The following PHKA2 variants were observed in gnomAD, a reference collection of about 807,000 sequenced individuals.
PHKA2 encodes the protein phosphorylase b kinase regulatory subunit alpha, liver isoform.
A neutral mutation model predicts 102.0 loss-of-function variants in PHKA2; 31 were observed. The ratio of observed to expected loss-of-function variants is 0.30; its 90% confidence interval spans 0.23 to 0.41. The LOEUF (loss-of-function observed/expected upper bound fraction) is 0.41. Among genes scored for constraint, PHKA2 ranks in the 10% least tolerant of loss-of-function variants. The pLI is 1.00. For synonymous variants in PHKA2, 455 were observed against 416.2 expected (o/e 1.09, Z -1.13); for missense variants, 858 against 1,023.1 (o/e 0.84, Z 2.20).
Position 18,924,184 on chromosome X carries a change from C to G in PHKA2, c.1715-50G>C, listed in dbSNP as rs151344533. The G allele has an allele frequency of 4.4e-3, 4,370 of 983,403 alleles. 12 individuals are homozygous for G. Among genetic ancestry groups the G allele is most frequent in the Non-Finnish European group, 5.7e-3 (3,937 of 688,433 alleles). The allele number at this position is 983,403 out of a possible 1,213,427, so 81.0% of individuals were successfully genotyped here. On this transcript the variant is annotated intron_variant, in intron 16 of 32. Coordinates refer to ENST00000379942, the MANE Select transcript of PHKA2 (RefSeq NM_000292.3). ...GTTTAGTCTGGGCAGACTTTTTTTC[C>G]GTTATGCACTGAAACATTTTCATCA...
chrX:18,901,133 T>C (rs1262312759), intron 27 of PHKA2, among the ~76,000 whole-genome samples: 1 of 110,493 alleles, frequency 9.1e-6, no homozygotes, highest in East Asian at 2.8e-4. Flanking sequence ...GCTATTTCGT[T>C]TGAAGGACAC....
intron 26 of PHKA2, 132 bp from the exon 27 acceptor site, chrX:18,901,735 G>A (rs1479498698): frequency 7.6e-6 from 4 of 526,575 alleles, no homozygotes; most frequent in Admixed American, 2.5e-5. Context: ...CTCCAGCACC[G>A]AGAGCAGCAC....
chrX:18,971,831 A>T (rs188188150), intron 1 of PHKA2, among the ~76,000 whole-genome samples: 2 of 112,765 alleles, frequency 1.8e-5, no homozygotes, highest in East Asian at 5.6e-4. Flanking sequence ...ATAAAGTTTC[A>T]GTCAAGATGT....
At chrX:18,893,961 A>C in intron 32 of PHKA2, 1 of 462,443 alleles carries the variant, frequency 2.2e-6, no homozygotes, top group South Asian at 3.1e-5. Flanking sequence ...ACCCATGGTC[A>C]CATGTGTTGC....
At chrX:18,900,750 G>A (rs1238918747) in intron 27 of PHKA2, 51 bp from the exon 28 acceptor site, 11 of 1,095,965 alleles carry the variant, frequency 1.0e-5, no homozygotes, top group Non-Finnish European at 1.4e-5. Flanking sequence ...AGCCAAGAAC[G>A]CGTGCTTCTT....
chrX:18,903,397 T>C (rs2047736853), intron 26 of PHKA2, among the ~76,000 whole-genome samples: 1 of 112,378 alleles, frequency 8.9e-6, no homozygotes, highest in South Asian at 3.7e-4. Context: ...GGAATGCCCC[T>C]GGAAAATGAC....
chrX:18,973,656 AAC>A (rs2049047659), intron 1 of PHKA2, among the ~76,000 whole-genome samples: 2 of 111,778 alleles, frequency 1.8e-5, no homozygotes, highest in South Asian at 7.5e-4. Context: ...TTTTATCTGA[AAC>A]AGTTTAAGAT....
chrX:18,952,549 G>A lies in PHKA2; in HGVS notation c.238-8C>T. Reference sequence around the variant, plus strand: ...CATCAGCTTCACCACGTTCTGTGGAGATAAAGCAGAATCAGCAACACGGCC... The same window carrying A: ...CATCAGCTTCACCACGTTCTGTGGAAATAAAGCAGAATCAGCAACACGGCC... On this transcript the variant is annotated splice_polypyrimidine_tract_variant and splice_region_variant and intron_variant, in intron 2 of 32. Transcript: ENST00000379942. 2 of 1,208,649 alleles carry A rather than the reference G, an allele frequency of 1.7e-6. No homozygotes were observed. The highest frequency in any genetic ancestry group is 2.2e-6 in the Non-Finnish European group (2 of 892,825).
At chrX:18,896,165 A>T (rs989385321) in intron 30 of PHKA2, 1 of 109,614 alleles carries the variant, frequency 9.1e-6, no homozygotes, top group Admixed American at 9.4e-5. Flanking sequence ...GAACTAAAAA[A>T]TAGTTCTGGG....
At chrX:18,895,381 G>C in intron 30 of PHKA2, 190 bp from the exon 31 acceptor site, 1 of 480,327 alleles carries the variant, frequency 2.1e-6, no homozygotes, top group African/African-American at 2.3e-5. Context: ...GTTTTCGATG[G>C]AACAATTCTA....
At chrX:18,919,100 T>C (rs1325120129) in intron 18 of PHKA2, among the ~76,000 whole-genome samples, 2 of 111,750 alleles carry the variant, frequency 1.8e-5, no homozygotes, top group East Asian at 2.8e-4. Context: ...CCAGTCAAGA[T>C]AGTGTTTACA....
At chrX:18,981,517 G>A (rs2049170853) in intron 1 of PHKA2, among the ~76,000 whole-genome samples, 1 of 111,368 alleles carries the variant, frequency 9.0e-6, no homozygotes, top group African/African-American at 3.3e-5. Flanking sequence ...GGATGACTCA[G>A]GTCCTGCTGG....
chrX:18,961,458 G>A (rs950608560), intron 1 of PHKA2, among the ~76,000 whole-genome samples: 1 of 109,861 alleles, frequency 9.1e-6, no homozygotes, highest in East Asian at 2.9e-4. Context: ...AGGAGTTTGC[G>A]AACAGCCTGA....
intron 1 of PHKA2, among the ~76,000 whole-genome samples, chrX:18,978,454 C>T (rs1399872797): frequency 8.9e-6 from 1 of 111,996 alleles, no homozygotes; most frequent in Non-Finnish European, 1.9e-5. Context: ...TGGCTCACGC[C>T]TATAATCCCA....
At chrX:18,907,577 A>T (rs2047843970) in intron 22 of PHKA2, among the ~76,000 whole-genome samples, 1 of 112,119 alleles carries the variant, frequency 8.9e-6, no homozygotes, top group South Asian at 3.7e-4. Flanking sequence ...TTGGGGTTAT[A>T]AATATTAATG....
At chrX:18,917,866 T>G (rs2048047435) in intron 19 of PHKA2, among the ~76,000 whole-genome samples, 1 of 109,590 alleles carries the variant, frequency 9.1e-6, no homozygotes, top group Non-Finnish European at 1.9e-5. Context: ...GCAGTGCAGT[T>G]CAAAAACAAG....
chrX:18,952,610 A>G (rs1218197516), intron 2 of PHKA2, 69 bp from the exon 3 acceptor site: 2 of 1,070,595 alleles, frequency 1.9e-6, no homozygotes, highest in Non-Finnish European at 2.6e-6. Context: ...CCTCCTGATC[A>G]CTGTGGCTGG....
intron 19 of PHKA2, among the ~76,000 whole-genome samples, chrX:18,916,980 T>A (rs1230144344): frequency 9.2e-6 from 1 of 109,109 alleles, no homozygotes; most frequent in Non-Finnish European, 1.9e-5. Context: ...GCTCAAGTGA[T>A]CCTCCTGCCT....
chrX:18,926,741 C>T (rs930314572), intron 13 of PHKA2, among the ~76,000 whole-genome samples, 154 bp from the exon 14 acceptor site: 6 of 111,645 alleles, frequency 5.4e-5, no homozygotes, highest in South Asian at 3.7e-4. Flanking sequence ...GTTCGTCCTG[C>T]TGCTCCTCCC....
Sources: gnomAD v4.1 joint callset for allele counts (sites outside exome capture counted in the v4.1 genomes callset) on GRCh38, gnomAD v4.1.1 for gene constraint, MANE v1.5 for transcripts, NCBI Gene and HGNC (gene_info 2026-07-23, HGNC 2026-07-21) for gene names.